EYA1: variants seen among roughly 807,000 people sequenced by gnomAD.
EYA1 encodes protein phosphatase EYA1.
EYA1 carries 16 observed loss-of-function variants against 82.0 expected under a neutral mutation model. The observed-to-expected ratio is 0.20, with a 90% CI of 0.13 to 0.30. The LOEUF is 0.30. EYA1 is among the 10% of genes least tolerant of loss of function. The probability of loss-of-function intolerance (pLI) is 1.00; values close to 1 mark genes in which losing one functional copy is unlikely to be tolerated. For missense variants in EYA1, 633 were observed against 730.7 expected, an observed-to-expected ratio of 0.87 and a Z score of 1.54; for synonymous variants, 261 against 264.4, an observed-to-expected ratio of 0.99 and a Z score of 0.12.
intron 2 of EYA1, among the ~76,000 whole-genome samples, chr8:71,377,255 C>T (rs578114044): frequency 6.6e-5 from 10 of 152,174 alleles, no homozygotes; most frequent in South Asian, 2.1e-4. Flanking sequence ...GAAGAGAAGT[C>T]GCAGCCTACC....
chr8:71,418,227 G>C (rs1830957338), intron 2 of EYA1, among the ~76,000 whole-genome samples: 1 of 152,170 alleles, frequency 6.6e-6, no homozygotes, highest in Non-Finnish European at 1.5e-5. Context: ...GTATCCCCTG[G>C]ATATGATGGT....
At chr8:71,204,359 AGAATTTTGCT>A (rs1379440630) in intron 17 of EYA1, 1 of 152,268 alleles carries the variant, frequency 6.6e-6, no homozygotes, top group Non-Finnish European at 1.5e-5. Context: ...ATATGTAAGC[AGAATTTTGCT>A]GAATTATTAA....
intron 2 of EYA1, among the ~76,000 whole-genome samples, chr8:71,527,457 G>C (rs1455839013): frequency 6.6e-6 from 1 of 152,196 alleles, no homozygotes; most frequent in Non-Finnish European, 1.5e-5. Flanking sequence ...CCCAGAGAGA[G>C]AGTAAACAGT....
At chr8:71,371,968 G>A (rs1828108450) in intron 2 of EYA1, among the ~76,000 whole-genome samples, 1 of 152,004 alleles carries the variant, frequency 6.6e-6, no homozygotes, top group African/African-American at 2.4e-5. Context: ...AAAATGAGAA[G>A]TTATAGTTCT....
upstream of EYA1, chr8:71,362,090 C>T: frequency 1.0e-6 from 1 of 984,328 alleles, no homozygotes; most frequent in Non-Finnish European, 1.2e-6. Flanking sequence ...AAAGAAACAG[C>T]AGAATCTCAT....
At chr8:71,329,207 T>C (rs951337772) in intron 4 of EYA1, among the ~76,000 whole-genome samples, 11 of 152,198 alleles carry the variant, frequency 7.2e-5, no homozygotes, top group Non-Finnish European at 1.5e-4. Context: ...TCCAACCTCA[T>C]CAAGAGATGA....
intron 9 of EYA1, among the ~76,000 whole-genome samples, chr8:71,272,156 A>G (rs1816622862): frequency 6.6e-6 from 1 of 152,208 alleles, no homozygotes; most frequent in Admixed American, 6.5e-5. Flanking sequence ...GGTTGCCTGC[A>G]TCTTCCATGT....
chr8:71,351,430 T>G (rs1586503566), intron 3 of EYA1, among the ~76,000 whole-genome samples: 1 of 152,330 alleles, frequency 6.6e-6, no homozygotes, highest in South Asian at 2.1e-4. Context: ...CTTTATATTT[T>G]TATATTGCAA....
chr8:71,373,793 A>G (rs1020259395), intron 2 of EYA1, among the ~76,000 whole-genome samples: 4 of 152,182 alleles, frequency 2.6e-5, no homozygotes, highest in African/African-American at 9.6e-5. Context: ...AAACAGACAC[A>G]TACACCAATG....
rs139397752 is a variant in EYA1 at position 71,403,115 on chromosome 8, G to A, written c.34-46604C>T. ...TATAGATATTTTAAACTGTTGTATG[G>A]CATAAGACAGCATAACTGAAGTCAA... On this transcript the variant is annotated intron_variant, in intron 2 of 18. Coordinates refer to the EYA1 transcript ENST00000643681. Among the ~76,000 whole-genome samples, 13 of 152,290 alleles carry A rather than the reference G, an allele frequency of 8.5e-5. No homozygotes were observed. In the East Asian group the frequency reaches 1.5e-3, roughly 18 times the overall value.
chr8:71,309,960 C>T (rs548706110), intron 7 of EYA1, among the ~76,000 whole-genome samples: 1 of 152,222 alleles, frequency 6.6e-6, no homozygotes, highest in East Asian at 1.9e-4. Context: ...GCAATAAAAC[C>T]TAAAGGAAAA....
intron 9 of EYA1, among the ~76,000 whole-genome samples, chr8:71,290,868 A>G (rs1818921034): frequency 6.6e-6 from 1 of 152,142 alleles, no homozygotes; most frequent in Non-Finnish European, 1.5e-5. Flanking sequence ...ACCCAAAACA[A>G]ACATCTGTTT....
intron 2 of EYA1, chr8:71,470,894 C>A (rs1563646135): frequency 4.4e-6 from 2 of 454,854 alleles, no homozygotes; most frequent in Non-Finnish European, 8.8e-6. Flanking sequence ...TGTGGTTGCT[C>A]CAAATGTCGT....
At chr8:71,513,017 A>G (rs1035424397) in intron 2 of EYA1, among the ~76,000 whole-genome samples, 1 of 152,288 alleles carries the variant, frequency 6.6e-6, no homozygotes, top group African/African-American at 2.4e-5. Context: ...GCATGCAATA[A>G]CAGAAGGCAT....
At chr8:71,495,430 A>G (rs4738139) in intron 2 of EYA1, among the ~76,000 whole-genome samples, 63,023 of 151,888 alleles carry the variant, frequency 0.41, 14,258 homozygotes, top group East Asian at 0.9. Context: ...CCTGGCCAGC[A>G]TGGTGAAACC....
At chr8:71,354,063 A>G (rs1353633231) in intron 3 of EYA1, among the ~76,000 whole-genome samples, 1 of 152,188 alleles carries the variant, frequency 6.6e-6, no homozygotes, top group African/African-American at 2.4e-5. Context: ...TAGCAAAAAT[A>G]CATATAACCT....
exon 2 of EYA1, chr8:71,535,816 A>G: frequency 7.0e-7 from 1 of 1,419,792 alleles, no homozygotes; most frequent in Non-Finnish European, 9.4e-7. Context: ...TATTAGCTAC[A>G]CACTTCTTCA....
chr8:71,449,707 C>A (rs373407155), intron 2 of EYA1, among the ~76,000 whole-genome samples: 1 of 152,196 alleles, frequency 6.6e-6, no homozygotes, highest in Non-Finnish European at 1.5e-5. Context: ...TCAGCCTGAC[C>A]TTTGAAGCTT....
intron 2 of EYA1, among the ~76,000 whole-genome samples, chr8:71,403,037 G>A (rs575301652): frequency 7.4e-4 from 113 of 152,270 alleles, no homozygotes; most frequent in African/African-American, 2.6e-3. Context: ...GATTTTCCCA[G>A]GCAAAATGGT....
Sources: gnomAD v4.1 joint callset for allele counts (sites outside exome capture counted in the v4.1 genomes callset) on GRCh38, gnomAD v4.1.1 for gene constraint, MANE v1.5 for transcripts, NCBI Gene and HGNC (gene_info 2026-07-23, HGNC 2026-07-21) for gene names.